The following CHCHD3 variants were observed in gnomAD, a reference collection of about 807,000 sequenced individuals.
CHCHD3 encodes coiled-coil-helix-coiled-coil-helix domain containing 3.
A neutral mutation model predicts 38.2 loss-of-function variants in CHCHD3; 20 were observed. The observed-to-expected ratio is 0.52, with a 90% CI of 0.37 to 0.76. The LOEUF (loss-of-function observed/expected upper bound fraction) is 0.76. Among genes scored for constraint, CHCHD3 ranks in the 30% least tolerant of loss-of-function variants. The probability of loss-of-function intolerance (pLI) is 0.00; values close to 1 mark genes in which losing one functional copy is unlikely to be tolerated. For synonymous variants in CHCHD3, 82 were observed against 100.0 expected (o/e 0.82, Z 1.07); for missense variants, 245 against 279.2 (o/e 0.88, Z 0.87).
At position 133,082,060 on chromosome 7, in the gene CHCHD3, C is replaced by G; in HGVS notation, c.-123G>C. On this transcript the variant is annotated 5_prime_UTR_variant, in exon 1 of 8. Coordinates refer to ENST00000262570, the MANE Select transcript of CHCHD3 (RefSeq NM_017812.4). ...CCGCACAGCGGGAGCAAGGCCACGACCCCCAGAAGCAAGGAGAAGGCGCCG... is the reference window on the plus strand; with the variant it reads ...CCGCACAGCGGGAGCAAGGCCACGAGCCCCAGAAGCAAGGAGAAGGCGCCG... 1 of 875,658 alleles carries G rather than the reference C, an allele frequency of 1.1e-6. No individual in the cohort carries two copies. Among genetic ancestry groups the G allele is most frequent in the East Asian group, 3.0e-5 (1 of 32,946 alleles). The allele number at this position is 875,658 out of a possible 1,614,324, so 54.2% of individuals were successfully genotyped here. A position where few individuals can be genotyped will look rare whatever the true frequency, so the allele number is the denominator to read the frequency against.
intron 1 of CHCHD3, among the ~76,000 whole-genome samples, chr7:133,076,573 C>G (rs1814997994): frequency 6.6e-6 from 1 of 152,182 alleles, no homozygotes; most frequent in Admixed American, 6.5e-5. Flanking sequence ...CTCACCACAC[C>G]AATGTGCTCC....
rs1207624815 is a variant in CHCHD3, at chr7:132,841,438, AAAAC to A, written c.454-2973_454-2970del. On this transcript the variant is annotated intron_variant, in intron 5 of 7. Transcript: ENST00000262570. The stretch of plus-strand genomic sequence containing the variant: ...AACAAACAACAACAACAAAAAAAAA[AAAAC>A]AACCAACCCAACAAAAAACACTCAT... Among the ~76,000 whole-genome samples, 232 of 151,906 alleles carry A rather than the reference AAAAC, an allele frequency of 1.5e-3. 2 individuals are homozygous for A. Among genetic ancestry groups the A allele is most frequent in the Non-Finnish European group, 2.5e-3 (169 of 67,934 alleles).
intron 5 of CHCHD3, among the ~76,000 whole-genome samples, chr7:132,867,055 T>G (rs190949645): frequency 5.4e-4 from 82 of 152,294 alleles, no homozygotes; most frequent in African/African-American, 1.7e-3. Context: ...TGAGTCATTT[T>G]TCTTCATAGA....
chr7:133,018,685 T>A (rs1043474835), intron 3 of CHCHD3, among the ~76,000 whole-genome samples: 1 of 152,086 alleles, frequency 6.6e-6, no homozygotes, highest in South Asian at 2.1e-4. Context: ...AGTAGCCAAT[T>A]TCAAAGAGAT....
At chr7:132,941,874 T>C (rs1437244524) in intron 4 of CHCHD3, among the ~76,000 whole-genome samples, 2 of 152,126 alleles carry the variant, frequency 1.3e-5, no homozygotes, top group African/African-American at 2.4e-5. Context: ...AAAATAACCA[T>C]AGCAATAGGA....
chr7:132,883,936 A>G (rs1562895886), intron 5 of CHCHD3, among the ~76,000 whole-genome samples: 1 of 152,152 alleles, frequency 6.6e-6, no homozygotes. Context: ...TAGTTATAAA[A>G]GCCATAAACC....
At chr7:133,071,190 T>C (rs1385378365) in intron 1 of CHCHD3, among the ~76,000 whole-genome samples, 1 of 152,176 alleles carries the variant, frequency 6.6e-6, no homozygotes, top group Non-Finnish European at 1.5e-5. Flanking sequence ...GAGACTTGCT[T>C]GTTTACCATC....
intron 6 of CHCHD3, among the ~76,000 whole-genome samples, chr7:132,822,261 T>C (rs1349910502): frequency 1.3e-5 from 2 of 152,200 alleles, no homozygotes; most frequent in East Asian, 3.9e-4. Context: ...CTGTAGTTTT[T>C]CTCAGAGTTA....
chr7:133,077,360 G>T lies in CHCHD3; in HGVS notation c.81+4497C>A, dbSNP rs189442077. ...TCTCTTCAGAATCCTCAGTAATACC[G>T]CATATTAAGTAATCTCTTCATTTAC... On this transcript the variant is annotated intron_variant, in intron 1 of 7. Transcript: ENST00000262570. Among the ~76,000 whole-genome samples the T allele has an allele frequency of 1.7e-3, 266 of 152,144 alleles. 1 individual carries two copies. The highest frequency in any genetic ancestry group is 3.4e-3 in the Non-Finnish European group (231 of 68,002).
chr7:132,959,550 C>T (rs1811259189), intron 4 of CHCHD3, among the ~76,000 whole-genome samples: 1 of 151,922 alleles, frequency 6.6e-6, no homozygotes, highest in Admixed American at 6.6e-5. Flanking sequence ...TGGTGAAACT[C>T]TGTCTCCGAT....
intron 6 of CHCHD3, among the ~76,000 whole-genome samples, chr7:132,802,753 C>T (rs1806824643): frequency 6.6e-6 from 1 of 152,152 alleles, no homozygotes. Context: ...TTTGGTGACT[C>T]AACATAACTG....
chr7:133,008,132 T>C (rs1288886928), intron 3 of CHCHD3, among the ~76,000 whole-genome samples: 1 of 152,196 alleles, frequency 6.6e-6, no homozygotes, highest in African/African-American at 2.4e-5. Context: ...GACAACACCC[T>C]TAAGATGACT....
rs1478193497 is a variant in CHCHD3 at position 133,035,207 on chromosome 7, C to T, written c.170-10580G>A. 6 of 1,613,652 alleles carry T rather than the reference C, an allele frequency of 3.7e-6. No homozygotes were observed. Among genetic ancestry groups the T allele is most frequent in the South Asian group, 1.1e-5 (1 of 91,064 alleles). ...CAGCCTGGGGCTTCTGCTTCTCTTC[C>T]CGTGAACCCTTCTCTTTCCGTGGTG... On this transcript the variant is annotated intron_variant, in intron 2 of 7. Transcript: ENST00000262570. This position sits in a 1 kb window ranked among gnomAD's most constrained non-coding sequence, Gnocchi z 4.7.
chr7:133,032,511 A>C (rs1429111321), intron 2 of CHCHD3, among the ~76,000 whole-genome samples: 2 of 152,328 alleles, frequency 1.3e-5, no homozygotes, highest in Admixed American at 6.5e-5. Context: ...ATACCTTTGT[A>C]AATTTCTCAT....
At chr7:132,907,862 T>C (rs1319158777) in intron 4 of CHCHD3, among the ~76,000 whole-genome samples, 3 of 152,084 alleles carry the variant, frequency 2.0e-5, no homozygotes, top group African/African-American at 7.2e-5. Context: ...CAGCCCTTTC[T>C]AAATATCTTC....
At chr7:132,914,881 G>T (rs757045152) in intron 4 of CHCHD3, among the ~76,000 whole-genome samples, 1 of 152,198 alleles carries the variant, frequency 6.6e-6, no homozygotes, top group Non-Finnish European at 1.5e-5. Context: ...CAACAAAGAG[G>T]CTAGGCGTGG....
intron 4 of CHCHD3, among the ~76,000 whole-genome samples, chr7:132,954,023 G>T (rs1811098759): frequency 6.6e-6 from 1 of 152,186 alleles, no homozygotes; most frequent in African/African-American, 2.4e-5. Context: ...CTTGAAGAAT[G>T]AGATATTTAT....
intron 3 of CHCHD3, among the ~76,000 whole-genome samples, chr7:132,996,693 A>T (rs1812425673): frequency 6.6e-6 from 1 of 152,216 alleles, no homozygotes; most frequent in South Asian, 2.1e-4. Flanking sequence ...CCCTGTCGCT[A>T]ATCAGCAACC....
intron 3 of CHCHD3, among the ~76,000 whole-genome samples, chr7:133,009,363 C>CAAAAAAA (rs71178076): frequency 1.5e-5 from 1 of 67,394 alleles, no homozygotes; most frequent in African/African-American, 6.5e-5. Context: ...GACTCTGTCT[C>CAAAAAAA]AAAAAAAAAA....
Sources: allele counts gnomAD v4.1 joint callset (sites outside exome capture counted in the v4.1 genomes callset), GRCh38; gene constraint gnomAD v4.1.1; non-coding constraint Gnocchi (gnomAD v3.1); transcripts MANE v1.5; gene names NCBI Gene and HGNC (gene_info 2026-07-23, HGNC 2026-07-21).